The following VAMP7 variants were observed in gnomAD, a reference collection of about 807,000 sequenced individuals.
VAMP7 encodes vesicle-associated membrane protein 7.
In VAMP7, 14 loss-of-function variants were observed where a neutral mutation model predicts 29.6. That is an observed-to-expected ratio of 0.47 (90% CI 0.31 to 0.74). VAMP7 has a LOEUF of 0.74. VAMP7 is among the 30% of genes least tolerant of loss of function. The pLI, the probability that VAMP7 is intolerant of heterozygous loss-of-function variation, is 0.05. For missense variants in VAMP7, 223 were observed against 262.4 expected (o/e 0.85, Z 1.04); for synonymous variants, 95 against 88.1 (o/e 1.08, Z -0.44).
intron 5 of VAMP7, among the ~76,000 whole-genome samples, chrX:155,908,792 T>A (rs2066190581): frequency 6.6e-6 from 1 of 152,034 alleles, no homozygotes; most frequent in African/African-American, 2.4e-5. Context: ...CTTTTTTGTT[T>A]TTGTTTTTGT....
At chrX:155,924,156 GT>G (rs1300436202) in intron 6 of VAMP7, among the ~76,000 whole-genome samples, 5 of 151,882 alleles carry the variant, frequency 3.3e-5, no homozygotes, top group Non-Finnish European at 7.4e-5. Context: ...TTTTTAAATT[GT>G]TTTTTAACCA....
At chrX:155,915,988 C>G (rs1317643519) in intron 5 of VAMP7, among the ~76,000 whole-genome samples, 2 of 152,120 alleles carry the variant, frequency 1.3e-5, no homozygotes, top group African/African-American at 4.8e-5. Flanking sequence ...GTGTGGGAGT[C>G]TGAGTCTCTT....
intron 6 of VAMP7, among the ~76,000 whole-genome samples, chrX:155,926,300 G>A (rs182076573): frequency 1.3e-5 from 2 of 152,292 alleles, no homozygotes; most frequent in Non-Finnish European, 2.9e-5. Flanking sequence ...AAAATCTGTT[G>A]TTTAGTATAG....
In VAMP7 at chrX:155,919,736, A is replaced by C. The variant is rs1310037945; in HGVS notation, c.434-77A>C. The stretch of plus-strand genomic sequence containing the variant: ...CCCAGGACAGTGTATTCATTAAGTT[A>C]TATTACTTTTTTAAAAAAAGTTTAT... On this transcript the variant is annotated intron_variant, in intron 5 of 7. Coordinates refer to ENST00000286448, the MANE Select transcript of VAMP7 (RefSeq NM_005638.6). The C allele has an allele frequency of 3.1e-6, 4 of 1,280,346 alleles. No individual in the cohort carries two copies. In the African/African-American group the frequency reaches 6.0e-5, roughly 19 times the overall value. The allele number at this position is 1,280,346 out of a possible 1,614,324, so 79.3% of individuals were successfully genotyped here.
chrX:155,898,746 C>T (rs916803721), intron 4 of VAMP7, among the ~76,000 whole-genome samples: 1 of 151,976 alleles, frequency 6.6e-6, no homozygotes, highest in African/African-American at 2.4e-5. Flanking sequence ...AAAGTTCCCT[C>T]ATATCCCTTA....
chrX:155,891,385 T>C (rs2065924103), intron 2 of VAMP7, among the ~76,000 whole-genome samples: 1 of 152,138 alleles, frequency 6.6e-6, no homozygotes, highest in Non-Finnish European at 1.5e-5. Context: ...AGTCACTGTG[T>C]TTGGCTCCAA....
chrX:155,901,811 C>T (rs999931959), intron 5 of VAMP7, among the ~76,000 whole-genome samples: 2 of 152,136 alleles, frequency 1.3e-5, no homozygotes, highest in African/African-American at 2.4e-5. Context: ...AGCATGATGC[C>T]TCCAGCTTTG....
Position 155,939,274 on chromosome X carries a change from AATAC to A in VAMP7, c.502-423_502-420del, listed in dbSNP as rs949768279. Among the ~76,000 whole-genome samples the A allele has an allele frequency of 2.8e-3, 430 of 152,322 alleles. 2 individuals carry two copies. The highest frequency in any genetic ancestry group is 9.8e-3 in the African/African-American group (408 of 41,590). On this transcript the variant is annotated intron_variant, in intron 6 of 7. Transcript: ENST00000286448. Reference sequence around the variant, plus strand: ...ATGGGTTTTGGCCCTCACAAAAGTAAATACATATCTTCCTACAGAAATCAAACAG... The same window carrying A: ...ATGGGTTTTGGCCCTCACAAAAGTAAATATCTTCCTACAGAAATCAAACAG...
chrX:155,888,193 T>C (rs1416694078), intron 1 of VAMP7, among the ~76,000 whole-genome samples: 2 of 152,194 alleles, frequency 1.3e-5, no homozygotes, highest in Non-Finnish European at 1.5e-5. Flanking sequence ...CTCTGTGTGC[T>C]GTCCTTCCAT....
At chrX:155,935,816 CCTAT>C (rs2066644301) in intron 6 of VAMP7, among the ~76,000 whole-genome samples, 1 of 151,922 alleles carries the variant, frequency 6.6e-6, no homozygotes, top group South Asian at 2.1e-4. Context: ...TGTTTTTTTC[CCTAT>C]CTTTGTGGTT....
chrX:155,909,648 C>G (rs1201836683), intron 5 of VAMP7, among the ~76,000 whole-genome samples: 6 of 152,130 alleles, frequency 3.9e-5, no homozygotes, highest in African/African-American at 1.4e-4. Flanking sequence ...ACTTAAACAA[C>G]AGAAATTTAT....
intron 2 of VAMP7, among the ~76,000 whole-genome samples, chrX:155,891,344 C>A (rs192532348): frequency 6.6e-6 from 1 of 152,154 alleles, no homozygotes; most frequent in African/African-American, 2.4e-5. Context: ...TACGCCTCTT[C>A]TCTGAGAGAG....
At chrX:155,904,378 G>A (rs2066117703) in intron 5 of VAMP7, among the ~76,000 whole-genome samples, 1 of 105,882 alleles carries the variant, frequency 9.4e-6, no homozygotes. Context: ...AATAAAAAAA[G>A]CAAATTTAAA....
intron 5 of VAMP7, among the ~76,000 whole-genome samples, chrX:155,910,580 G>A (rs926852002): frequency 1.3e-4 from 20 of 149,144 alleles, no homozygotes; most frequent in African/African-American, 4.5e-4. Context: ...CCAACAGTGT[G>A]TAAGTGTTTT....
At chrX:155,917,099 A>C (rs1408695737) in intron 5 of VAMP7, among the ~76,000 whole-genome samples, 1 of 151,948 alleles carries the variant, frequency 6.6e-6, no homozygotes, top group Non-Finnish European at 1.5e-5. Flanking sequence ...ACTTTATTTC[A>C]TTAAGTTGAT....
At chrX:155,882,584 A>C (rs1365667143) in intron 1 of VAMP7, among the ~76,000 whole-genome samples, 1 of 152,146 alleles carries the variant, frequency 6.6e-6, no homozygotes, top group Non-Finnish European at 1.5e-5. Context: ...ATCAGAATTC[A>C]TGGTTTATCT....
chrX:155,916,257 A>T (rs1183738936), intron 5 of VAMP7, among the ~76,000 whole-genome samples: 1 of 152,096 alleles, frequency 6.6e-6, no homozygotes, highest in East Asian at 1.9e-4. Flanking sequence ...GTCTTTGCAC[A>T]TGAGATGGGT....
intron 5 of VAMP7, among the ~76,000 whole-genome samples, chrX:155,902,004 A>C (rs12392654): frequency 0.6 from 91,804 of 151,774 alleles, 27,891 homozygotes; most frequent in East Asian, 0.69. Context: ...CTACCCATGA[A>C]CATGGAATGT....
chrX:155,882,311 C>T (rs937174181), intron 1 of VAMP7, among the ~76,000 whole-genome samples: 1 of 152,126 alleles, frequency 6.6e-6, no homozygotes, highest in African/African-American at 2.4e-5. Context: ...CAGGAACTTA[C>T]ATGTTTGTGT....
Sources: gnomAD v4.1 joint callset for allele counts (sites outside exome capture counted in the v4.1 genomes callset) on GRCh38, gnomAD v4.1.1 for gene constraint, MANE v1.5 for transcripts, NCBI Gene and HGNC (gene_info 2026-07-23, HGNC 2026-07-21) for gene names.